The following CNTN4 variants were observed in gnomAD, a reference collection of about 807,000 sequenced individuals.
The protein encoded by CNTN4 is contactin-4.
In CNTN4, 77 loss-of-function variants were observed where a neutral mutation model predicts 122.5. That is an observed-to-expected ratio of 0.63 (90% CI 0.52 to 0.76). The LOEUF (loss-of-function observed/expected upper bound fraction) is 0.76, where lower values mean the gene tolerates loss of function less well. Among genes scored for constraint, CNTN4 ranks in the 30% least tolerant of loss-of-function variants. The pLI, the probability that CNTN4 is intolerant of heterozygous loss-of-function variation, is 0.00. For missense variants in CNTN4, 1,256 were observed against 1,259.1 expected (o/e 1.00, Z 0.04); for synonymous variants, 512 against 447.0 (o/e 1.15, Z -1.83).
intron 6 of CNTN4, among the ~76,000 whole-genome samples, chr3:2,746,558 T>C (rs1263711495): frequency 6.6e-6 from 1 of 152,226 alleles, no homozygotes; most frequent in Non-Finnish European, 1.5e-5. Context: ...ATATATTTCC[T>C]TGTGTGAAAT....
intron 2 of CNTN4, among the ~76,000 whole-genome samples, chr3:2,129,399 G>A (rs1000985461): frequency 1.4e-5 from 2 of 144,530 alleles, no homozygotes; most frequent in Non-Finnish European, 3.0e-5. Flanking sequence ...GTTTTGCATG[G>A]TGCAGGGATA....
intron 4 of CNTN4, among the ~76,000 whole-genome samples, chr3:2,631,889 C>CAAAA (rs2082452334): frequency 1.2e-4 from 14 of 118,744 alleles, no homozygotes; most frequent in Admixed American, 7.6e-4. Context: ...CAAAAAAAAA[C>CAAAA]AACAACTAAA....
chr3:2,526,029 A>G (rs1262982267), intron 3 of CNTN4, among the ~76,000 whole-genome samples: 1 of 152,128 alleles, frequency 6.6e-6, no homozygotes, highest in East Asian at 1.9e-4. Flanking sequence ...GGACAGCACA[A>G]GACAAAACAG....
intron 2 of CNTN4, among the ~76,000 whole-genome samples, chr3:2,129,622 A>C (rs545720962): frequency 6.6e-6 from 1 of 152,022 alleles, no homozygotes; most frequent in African/African-American, 2.4e-5. Context: ...GAAAACCAAA[A>C]ATATGCTGGA....
chr3:2,930,765 C>T (rs963807419), intron 13 of CNTN4, among the ~76,000 whole-genome samples: 2 of 152,102 alleles, frequency 1.3e-5, no homozygotes, highest in African/African-American at 4.8e-5. Flanking sequence ...ATGGATGCAG[C>T]ACTCACTGGG....
At position 2,441,401 on chromosome 3, in the gene CNTN4, G is replaced by A. The variant is rs111339728; in HGVS notation, c.-89+102168G>A. 3.8e-3 allele frequency among the ~76,000 whole-genome samples: 585 copies of A among 152,182 alleles called. 4 individuals carry two copies. The highest frequency in any genetic ancestry group is 0.014 in the African/African-American group (572 of 41,512). On this transcript the variant is annotated intron_variant, in intron 3 of 24. Coordinates refer to ENST00000418658, the MANE Select transcript of CNTN4 (RefSeq NM_175607.3). The stretch of plus-strand genomic sequence containing the variant: ...ATTGAATCAGCATTGCTTACCATAG[G>A]ACCCAAGAGAAATAAAACTATATTT...
At chr3:2,763,674 G>A (rs2090702976) in intron 6 of CNTN4, among the ~76,000 whole-genome samples, 1 of 152,088 alleles carries the variant, frequency 6.6e-6, no homozygotes, top group Non-Finnish European at 1.5e-5. Flanking sequence ...TATAAGAAAG[G>A]GGTCCACTTT....
chr3:2,646,146 G>A (rs938308931), intron 4 of CNTN4, among the ~76,000 whole-genome samples: 2 of 152,142 alleles, frequency 1.3e-5, no homozygotes, highest in African/African-American at 4.8e-5. Context: ...TTTCTAGAAT[G>A]ACTAATTTCA....
intron 2 of CNTN4, among the ~76,000 whole-genome samples, chr3:2,233,134 A>G (rs918576707): frequency 6.6e-6 from 1 of 151,766 alleles, no homozygotes; most frequent in African/African-American, 2.4e-5. Flanking sequence ...GTCAGACTGA[A>G]CTGTCTTGAG....
intron 2 of CNTN4, among the ~76,000 whole-genome samples, chr3:2,270,238 C>T (rs1575222164): frequency 5.5e-5 from 2 of 36,648 alleles, no homozygotes; most frequent in African/African-American, 1.2e-4. Context: ...CGTGAGCCAC[C>T]GCGCCCGGCC....
At chr3:2,516,831 A>G (rs1211610138) in intron 3 of CNTN4, among the ~76,000 whole-genome samples, 1 of 152,160 alleles carries the variant, frequency 6.6e-6, no homozygotes, top group Non-Finnish European at 1.5e-5. Context: ...TATGCCAGGC[A>G]TTTGGCACAG....
intron 2 of CNTN4, among the ~76,000 whole-genome samples, chr3:2,183,157 C>G (rs2037094811): frequency 6.6e-6 from 1 of 152,068 alleles, no homozygotes; most frequent in Non-Finnish European, 1.5e-5. Context: ...GACTGGATCT[C>G]TCATTATGAG....
chr3:2,356,547 T>C (rs886107881), intron 3 of CNTN4, among the ~76,000 whole-genome samples: 1 of 152,212 alleles, frequency 6.6e-6, no homozygotes, highest in Admixed American at 6.5e-5. Context: ...CTCTCTTCAC[T>C]ATCTTGGTTT....
intron 4 of CNTN4, among the ~76,000 whole-genome samples, chr3:2,597,795 C>G (rs1307194675): frequency 6.6e-6 from 1 of 152,174 alleles, no homozygotes; most frequent in East Asian, 1.9e-4. Context: ...AGCGTTCTCA[C>G]TAGTCCCATA....
intron 4 of CNTN4, among the ~76,000 whole-genome samples, chr3:2,633,406 A>G (rs1184840147): frequency 2.6e-5 from 4 of 152,194 alleles, no homozygotes; most frequent in African/African-American, 7.2e-5. Flanking sequence ...CTGCTCCTGT[A>G]CATGTTTAAT....
At chr3:2,634,571 C>G (rs994407838) in intron 4 of CNTN4, among the ~76,000 whole-genome samples, 25 of 151,894 alleles carry the variant, frequency 1.6e-4, no homozygotes, top group African/African-American at 5.1e-4. Flanking sequence ...TGGCTCAGGC[C>G]TGTAATCCCA....
At chr3:2,761,005 TTAAA>T (rs1416066868) in intron 6 of CNTN4, among the ~76,000 whole-genome samples, 1 of 152,202 alleles carries the variant, frequency 6.6e-6, no homozygotes, top group Non-Finnish European at 1.5e-5. Context: ...AGGAGAACTG[TTAAA>T]TAAGCAAGAG....
chr3:2,260,927 C>A (rs2040810316), intron 2 of CNTN4, among the ~76,000 whole-genome samples: 1 of 151,878 alleles, frequency 6.6e-6, no homozygotes, highest in Non-Finnish European at 1.5e-5. Context: ...GACGAGGTTT[C>A]ACCATGTTGG....
intron 4 of CNTN4, among the ~76,000 whole-genome samples, chr3:2,669,072 C>A (rs2084342247): frequency 6.6e-6 from 1 of 152,054 alleles, no homozygotes. Flanking sequence ...TGTGTCTCTG[C>A]CAGGCTTTGG....
Sources: gnomAD v4.1 joint callset for allele counts (sites outside exome capture counted in the v4.1 genomes callset) on GRCh38, gnomAD v4.1.1 for gene constraint, MANE v1.5 for transcripts, NCBI Gene and HGNC (gene_info 2026-07-23, HGNC 2026-07-21) for gene names.